RANBP2: variants seen among roughly 807,000 people sequenced by gnomAD.
The protein encoded by RANBP2 is RAN binding protein 2.
In RANBP2, 57 loss-of-function variants were observed where a neutral mutation model predicts 303.6. The ratio of observed to expected loss-of-function variants is 0.19; its 90% CI spans 0.15 to 0.23. The LOEUF (loss-of-function observed/expected upper bound fraction) is 0.23, where lower values mean the gene tolerates loss of function less well. RANBP2 is among the 10% of genes least tolerant of loss of function. The pLI, the probability that RANBP2 is intolerant of heterozygous loss-of-function variation, is 1.00. For synonymous variants in RANBP2, 1,167 were observed against 1,301.5 expected (o/e 0.90, Z 2.23); for missense variants, 3,138 against 3,780.8 (o/e 0.83, Z 4.46).
At chr2:109,195,395 C>T in the RANBP2 span, among the ~76,000 whole-genome samples, 141 of 152,370 alleles carry the variant, frequency 9.3e-4, 1 homozygote, top group Middle Eastern at 0.01. Context: ...TGGGACCAGG[C>T]AGGCCCTGGC....
the RANBP2 span, among the ~76,000 whole-genome samples, chr2:108,948,887 G>A: frequency 2.6e-5 from 4 of 152,172 alleles, no homozygotes; most frequent in African/African-American, 9.7e-5. Flanking sequence ...GGATGCCGAG[G>A]CAGGATGATC....
At chr2:109,710,958 T>G in the RANBP2 span, among the ~76,000 whole-genome samples, 1 of 151,982 alleles carries the variant, frequency 6.6e-6, no homozygotes, top group Non-Finnish European at 1.5e-5. Context: ...TTCTCTCAGG[T>G]GGAGATGCCT....
the RANBP2 span, chr2:109,616,963 T>C: frequency 6.0e-6 from 1 of 166,998 alleles, no homozygotes; most frequent in Non-Finnish European, 1.5e-5. Flanking sequence ...ACCATTGTTC[T>C]ATTTGGCATA....
At chr2:108,741,140 T>G (rs1343296067) in intron 7 of RANBP2, among the ~76,000 whole-genome samples, 1 of 152,146 alleles carries the variant, frequency 6.6e-6, no homozygotes, top group African/African-American at 2.4e-5. Flanking sequence ...ATGACTGTAT[T>G]GTGTATATGT....
the RANBP2 span, among the ~76,000 whole-genome samples, chr2:109,695,887 G>A: frequency 6.6e-6 from 1 of 152,050 alleles, no homozygotes; most frequent in Non-Finnish European, 1.5e-5. Flanking sequence ...AGGGAGGACA[G>A]GATTTGGGGG....
the RANBP2 span, among the ~76,000 whole-genome samples, chr2:109,168,846 G>GT: frequency 6.6e-6 from 1 of 152,204 alleles, no homozygotes; most frequent in East Asian, 1.9e-4. Flanking sequence ...CTCAGTGAGA[G>GT]TTGTCTTTGG....
At chr2:109,407,975 A>G in the RANBP2 span, among the ~76,000 whole-genome samples, 1 of 152,186 alleles carries the variant, frequency 6.6e-6, no homozygotes, top group South Asian at 2.1e-4. Context: ...GCTAGGAACC[A>G]GATCCACGGG....
At chr2:109,532,008 C>A in the RANBP2 span, among the ~76,000 whole-genome samples, 1 of 152,214 alleles carries the variant, frequency 6.6e-6, no homozygotes, top group Non-Finnish European at 1.5e-5. Flanking sequence ...AAAGTGAATA[C>A]ACAGTTGCCT....
At chr2:109,129,677 T>A in the RANBP2 span, 2 of 1,523,118 alleles carry the variant, frequency 1.3e-6, no homozygotes, top group Non-Finnish European at 1.8e-6. Flanking sequence ...GGCGAGGACA[T>A]GGACGAGTCG....
chr2:109,347,581 G>GC, the RANBP2 span: 2 of 1,492,738 alleles, frequency 1.3e-6, no homozygotes, highest in Non-Finnish European at 1.8e-6. Flanking sequence ...GACACAGAAA[G>GC]CCCCTGAGAA....
the RANBP2 span, among the ~76,000 whole-genome samples, chr2:109,189,464 G>T: frequency 6.6e-6 from 1 of 151,790 alleles, no homozygotes; most frequent in South Asian, 2.1e-4. Context: ...TGCCTCCTGG[G>T]TTCAAGCAAT....
At chr2:109,170,309 C>A in the RANBP2 span, among the ~76,000 whole-genome samples, 35 of 124,192 alleles carry the variant, frequency 2.8e-4, no homozygotes, top group African/African-American at 1.0e-3. Context: ...CTTCTCTTCT[C>A]TTCTCTCCTC....
chr2:109,314,148 G>T, the RANBP2 span, among the ~76,000 whole-genome samples: 1 of 152,138 alleles, frequency 6.6e-6, no homozygotes, highest in Non-Finnish European at 1.5e-5. Context: ...AACTGCAGGT[G>T]CCAAGGTCGT....
At chr2:109,085,719 G>A in the RANBP2 span, among the ~76,000 whole-genome samples, 1 of 151,360 alleles carries the variant, frequency 6.6e-6, no homozygotes, top group African/African-American at 2.4e-5. Flanking sequence ...TCCTGCCTCA[G>A]CCTCCCAAGT....
the RANBP2 span, among the ~76,000 whole-genome samples, chr2:109,468,111 G>A: frequency 1.9e-4 from 29 of 152,312 alleles, 1 homozygote; most frequent in African/African-American, 5.8e-4. Flanking sequence ...AAGGGAATAC[G>A]TTCTGAAAAA....
At chr2:108,796,206 G>A in the RANBP2 span, among the ~76,000 whole-genome samples, 3 of 151,824 alleles carry the variant, frequency 2.0e-5, no homozygotes, top group East Asian at 1.9e-4. Context: ...CTGCCACCGC[G>A]CCCGGCTAAT....
chr2:108,955,934 C>G, the RANBP2 span, among the ~76,000 whole-genome samples: 1 of 150,002 alleles, frequency 6.7e-6, no homozygotes, highest in Non-Finnish European at 1.5e-5. Flanking sequence ...GAGGCTGAGG[C>G]AGAAGAATGG....
the RANBP2 span, among the ~76,000 whole-genome samples, chr2:109,195,328 G>A: frequency 6.6e-6 from 1 of 152,144 alleles, no homozygotes; most frequent in Admixed American, 6.5e-5. Flanking sequence ...GAGGAAGGAG[G>A]GGTGACAGCC....
chr2:108,955,242 G>A, the RANBP2 span, among the ~76,000 whole-genome samples: 1 of 152,160 alleles, frequency 6.6e-6, no homozygotes, highest in African/African-American at 2.4e-5. Context: ...AGGTCAGAAT[G>A]TGAGGATTAA....
Sources: allele counts gnomAD v4.1 joint callset (sites outside exome capture counted in the v4.1 genomes callset), GRCh38; gene constraint gnomAD v4.1.1; transcripts MANE v1.5; gene names NCBI Gene and HGNC (gene_info 2026-07-23, HGNC 2026-07-21).